The following API5 variants were observed in gnomAD, a reference collection of about 807,000 sequenced individuals.
API5 encodes the protein FIF.
A neutral mutation model predicts 71.9 loss-of-function variants in API5; 6 were observed. That is an observed-to-expected ratio of 0.08 (90% CI 0.05 to 0.16). API5 has a LOEUF of 0.16. Ranked by LOEUF, API5 falls within the 10% of genes least tolerant of loss-of-function variation. The pLI is 1.00. For missense variants in API5, 332 were observed against 612.8 expected (o/e 0.54, Z 4.84); for synonymous variants, 189 against 221.3 (o/e 0.85, Z 1.30).
At chr11:43,328,917 A>G in intron 9 of API5, 24 bp downstream of exon 9, 1 of 1,611,936 alleles carries the variant, frequency 6.2e-7, no homozygotes, top group Non-Finnish European at 8.5e-7. Context: ...GAGGTGGCTC[A>G]ATCCTTGGCA....
chr11:43,312,036 G>T lies in API5; in HGVS notation c.-92G>T. On this transcript the variant is annotated 5_prime_UTR_variant, in exon 1 of 14. Coordinates refer to ENST00000531273, the MANE Select transcript of API5 (RefSeq NM_001142930.2). The stretch of plus-strand genomic sequence containing the variant: ...ACTGGCGGCAGCTGGAGGTGTAATA[G>T]TGCGGGTAGTGGGTTTGGAGAAGTT... 7.0e-7 allele frequency: 1 copy of T among 1,420,438 alleles called. No individual in the cohort carries two copies. Among genetic ancestry groups the T allele is most frequent in the Non-Finnish European group, 9.8e-7 (1 of 1,023,082 alleles). The allele number at this position is 1,420,438 out of a possible 1,614,324, so 88.0% of individuals were successfully genotyped here.
At chr11:43,335,642 A>G (rs1855407837) in intron 12 of API5, among the ~76,000 whole-genome samples, 1 of 152,308 alleles carries the variant, frequency 6.6e-6, no homozygotes, top group African/African-American at 2.4e-5. Flanking sequence ...GAAGCTACAT[A>G]TTTCAGATTA....
At chr11:43,320,305 A>G (rs1854830621) in intron 2 of API5, among the ~76,000 whole-genome samples, 1 of 151,860 alleles carries the variant, frequency 6.6e-6, no homozygotes, top group Non-Finnish European at 1.5e-5. Flanking sequence ...CAGCCTCCCA[A>G]AGTGCTGGGA....
chr11:43,336,102 CTT>C, intron 13 of API5, 108 bp downstream of exon 13: 1 of 1,401,736 alleles, frequency 7.1e-7, no homozygotes, highest in Non-Finnish European at 9.6e-7. Flanking sequence ...TATCCAATGA[CTT>C]TTCTGAATTA....
chr11:43,312,076 G>T lies in API5; in HGVS notation c.-52G>T. The T allele has an allele frequency of 3.1e-6, 5 of 1,600,324 alleles. No individual in the cohort carries two copies. Among genetic ancestry groups the T allele is most frequent in the Non-Finnish European group, 3.4e-6 (4 of 1,170,022 alleles). ...TTGGAGAAGTTCCGAGGCGGCGGTGGCGCCGGTCAGGACAAGGATAGCGGA... is the reference window on the plus strand; with the variant it reads ...TTGGAGAAGTTCCGAGGCGGCGGTGTCGCCGGTCAGGACAAGGATAGCGGA... On this transcript the variant is annotated 5_prime_UTR_variant, in exon 1 of 14. Transcript: ENST00000531273.
Position 43,342,593 on chromosome 11 carries a change from T to C in API5, c.*83T>C. 1 of 1,399,202 alleles carries C rather than the reference T, an allele frequency of 7.1e-7. No individual in the cohort carries two copies. The highest frequency in any genetic ancestry group is 1.0e-6 in the Non-Finnish European group (1 of 995,440). The allele number at this position is 1,399,202 out of a possible 1,614,324, so 86.7% of individuals were successfully genotyped here. Reference sequence around the variant, plus strand: ...CTCATTGGATTGCCGGGGATGTCCCTTTAAACAGACTGCTGCCTTCAGCTA... The same window carrying C: ...CTCATTGGATTGCCGGGGATGTCCCCTTAAACAGACTGCTGCCTTCAGCTA... On this transcript the variant is annotated 3_prime_UTR_variant, in exon 14 of 14. Coordinates refer to ENST00000531273, the MANE Select transcript of API5 (RefSeq NM_001142930.2).
intron 13 of API5, among the ~76,000 whole-genome samples, chr11:43,342,134 G>T (rs182492333): frequency 2.2e-4 from 33 of 152,238 alleles, no homozygotes; most frequent in Middle Eastern, 3.4e-3. Context: ...AACACAGCAA[G>T]ACCCTCCAAA....
chr11:43,341,997 T>C (rs925935160), intron 13 of API5, among the ~76,000 whole-genome samples: 5 of 148,390 alleles, frequency 3.4e-5, no homozygotes, highest in African/African-American at 7.4e-5. Context: ...AAAAAAAAAA[T>C]AGCCAAACAT....
At chr11:43,322,272 C>T in intron 5 of API5, 136 bp downstream of exon 5, 2 of 793,930 alleles carry the variant, frequency 2.5e-6, no homozygotes, top group Non-Finnish European at 3.5e-6. Context: ...CACCATAGAA[C>T]TTCTAAGTTT....
Position 43,342,736 on chromosome 11 carries a change from G to C in API5, c.*226G>C. On this transcript the variant is annotated 3_prime_UTR_variant, in exon 14 of 14. Coordinates refer to ENST00000531273, the MANE Select transcript of API5 (RefSeq NM_001142930.2). The stretch of plus-strand genomic sequence containing the variant: ...GATGCTTTGTCTGCAATCTTGACTT[G>C]TTTTTGCAGTATCATTATTCAGACT... 1.5e-6 allele frequency: 1 copy of C among 654,620 alleles called. No homozygotes were observed. The highest frequency in any genetic ancestry group is 2.8e-6 in the Non-Finnish European group (1 of 361,560). The allele number at this position is 654,620 out of a possible 1,614,324, so 40.6% of individuals were successfully genotyped here.
chr11:43,318,918 T>G, intron 2 of API5, 117 bp downstream of exon 2: 13 of 1,028,618 alleles, frequency 1.3e-5, no homozygotes, highest in South Asian at 5.3e-5. Flanking sequence ...TGGTATGGTC[T>G]GGCATGGCAT....
intron 2 of API5, 60 bp downstream of exon 2, chr11:43,318,861 C>T (rs749908287): frequency 1.3e-6 from 2 of 1,510,688 alleles, no homozygotes; most frequent in East Asian, 2.3e-5. Flanking sequence ...GTGGCTGATA[C>T]AATTGGAGTA....
intron 11 of API5, among the ~76,000 whole-genome samples, chr11:43,334,072 A>G (rs1196086169): frequency 6.6e-6 from 1 of 152,178 alleles, no homozygotes; most frequent in Non-Finnish European, 1.5e-5. Context: ...GGCAAACTGT[A>G]TATATTACAT....
At chr11:43,324,000 A>T (rs1297380067) in intron 6 of API5, among the ~76,000 whole-genome samples, 2 of 152,166 alleles carry the variant, frequency 1.3e-5, no homozygotes, top group African/African-American at 2.4e-5. Context: ...AAGCAGCAAG[A>T]AACTTTCTTG....
chr11:43,322,792 A>C (rs1209404310), intron 5 of API5, among the ~76,000 whole-genome samples: 2 of 152,262 alleles, frequency 1.3e-5, no homozygotes, highest in Admixed American at 6.5e-5. Flanking sequence ...TGATAAGATT[A>C]TTTTTCAGTG....
At position 43,320,824 on chromosome 11, in the gene API5, C is replaced by A. The variant is rs1854862956; in HGVS notation, c.235C>A (p.Arg79=). Residue 79 remains arginine, a synonymous_variant, in exon 3 of 14, where the codon CGA becomes AGA. Coordinates refer to ENST00000531273, the MANE Select transcript of API5 (RefSeq NM_001142930.2). ...TTTTGTTTGAAATCATGCCCAGATT[C>A]GACGTCAAGCAATTAAAGAACTGCC... ...DLCEDEDVSI[R]RQAIKELPQF... is the part of the protein sequence containing the mutation. The A allele has an allele frequency of 6.2e-7, 1 of 1,611,050 alleles. No individual in the cohort carries two copies. Among genetic ancestry groups the A allele is most frequent in the Non-Finnish European group, 8.5e-7 (1 of 1,179,486 alleles).
At chr11:43,312,263 C>T (rs2134330143) in intron 1 of API5, 67 bp downstream of exon 1, 1 of 1,534,924 alleles carries the variant, frequency 6.5e-7, no homozygotes, top group Non-Finnish European at 8.9e-7. Flanking sequence ...CGCTTCCCGC[C>T]GCACTCCCCG....
chr11:43,328,992 C>T (rs1339918446), intron 9 of API5, 99 bp downstream of exon 9: 2 of 1,217,706 alleles, frequency 1.6e-6, no homozygotes, highest in East Asian at 2.4e-5. Flanking sequence ...CCCCATCCTG[C>T]CTTACCCCAG....
chr11:43,324,589 C>CAA (rs888647879), intron 6 of API5, among the ~76,000 whole-genome samples: 1 of 151,644 alleles, frequency 6.6e-6, no homozygotes, highest in South Asian at 2.1e-4. Context: ...CTTGTCTCTA[C>CAA]AAAAAAAATT....
Sources: allele counts gnomAD v4.1 joint callset (sites outside exome capture counted in the v4.1 genomes callset), GRCh38; gene constraint gnomAD v4.1.1; transcripts MANE v1.5; gene names NCBI Gene and HGNC (gene_info 2026-07-23, HGNC 2026-07-21).